Variants in SHOC2 observed in about 807,000 individuals in gnomAD.
The protein encoded by SHOC2 is leucine-rich repeat protein SHOC-2.
A neutral mutation model predicts 50.2 loss-of-function variants in SHOC2; 4 were observed. The observed-to-expected ratio is 0.08, with a 90% CI of 0.04 to 0.18. The LOEUF (loss-of-function observed/expected upper bound fraction) is 0.18. Among genes scored for constraint, SHOC2 ranks in the 10% least tolerant of loss-of-function variants. SHOC2 has a pLI of 1.00. For missense variants in SHOC2, 388 were observed against 669.6 expected, an observed-to-expected ratio of 0.58 and a Z score of 4.64; for synonymous variants, 218 against 244.5, an observed-to-expected ratio of 0.89 and a Z score of 1.01.
intron 1 of SHOC2, among the ~76,000 whole-genome samples, chr10:110,960,817 A>G (rs922171347): frequency 2.6e-5 from 4 of 152,136 alleles, no homozygotes; most frequent in African/African-American, 9.7e-5. Flanking sequence ...CTGGGATTAC[A>G]GGCGCCCGCC....
chr10:110,947,478 A>G (rs1357341605), intron 1 of SHOC2, among the ~76,000 whole-genome samples: 1 of 152,278 alleles, frequency 6.6e-6, no homozygotes, highest in Non-Finnish European at 1.5e-5. Flanking sequence ...GTGCAAGTCC[A>G]TAAGGATCTC....
intron 1 of SHOC2, among the ~76,000 whole-genome samples, chr10:110,962,881 T>A (rs1026832623): frequency 2.0e-5 from 3 of 152,220 alleles, no homozygotes; most frequent in African/African-American, 7.2e-5. Flanking sequence ...ATATGCCACT[T>A]GCCTGAGGAT....
chr10:110,996,379 T>C (rs541362715), intron 3 of SHOC2, among the ~76,000 whole-genome samples: 2 of 152,020 alleles, frequency 1.3e-5, no homozygotes, highest in South Asian at 4.2e-4. Context: ...ATACAAAAAT[T>C]AGCTGGGTGT....
intron 1 of SHOC2, among the ~76,000 whole-genome samples, chr10:110,924,517 G>C (rs1846717248): frequency 1.3e-5 from 2 of 152,042 alleles, no homozygotes. Context: ...AATAATATTA[G>C]GTCATATGGT....
rs185636316 is a variant in SHOC2, at chr10:110,971,428, C to T, written c.703+6367C>T. 3.2e-3 allele frequency among the ~76,000 whole-genome samples: 484 copies of T among 152,058 alleles called. 26 individuals are homozygous for T. In the South Asian group the frequency reaches 0.093, roughly 29 times the overall value. On this transcript the variant is annotated intron_variant, in intron 2 of 8. Transcript: ENST00000369452. Reference sequence around the variant, plus strand: ...TTGATCTATTGTCTTGTTTTTATGCCAGTACTGTGCATTTTGGTTACTCTA... The same window carrying T: ...TTGATCTATTGTCTTGTTTTTATGCTAGTACTGTGCATTTTGGTTACTCTA...
At chr10:110,982,949 A>G (rs1280665946) in intron 2 of SHOC2, among the ~76,000 whole-genome samples, 2 of 152,184 alleles carry the variant, frequency 1.3e-5, no homozygotes, top group Non-Finnish European at 2.9e-5. Flanking sequence ...CAGTGAAGCC[A>G]TCTGGACCTA....
intron 3 of SHOC2, among the ~76,000 whole-genome samples, chr10:110,989,825 A>T (rs1055623709): frequency 6.6e-6 from 1 of 152,196 alleles, no homozygotes; most frequent in Non-Finnish European, 1.5e-5. Context: ...TATATTCAGT[A>T]TATATTCAGG....
intron 1 of SHOC2, among the ~76,000 whole-genome samples, chr10:110,946,061 C>G (rs1161068415): frequency 1.3e-5 from 2 of 152,070 alleles, no homozygotes; most frequent in African/African-American, 2.4e-5. Flanking sequence ...TCCTTTTCAT[C>G]CTACTCAGGC....
At chr10:111,010,418 T>G (rs1439250748) in intron 8 of SHOC2, among the ~76,000 whole-genome samples, 1 of 151,930 alleles carries the variant, frequency 6.6e-6, no homozygotes, top group East Asian at 1.9e-4. Flanking sequence ...TATAGTGCAC[T>G]GTCCCACAGG....
intron 2 of SHOC2, among the ~76,000 whole-genome samples, chr10:110,965,817 TTTAA>T (rs758443151): frequency 1.1e-4 from 17 of 152,164 alleles, no homozygotes; most frequent in Non-Finnish European, 1.5e-4. Flanking sequence ...TTCTGGCATT[TTTAA>T]TTATGGAAAA....
chr10:110,940,565 AT>A (rs1847117251), intron 1 of SHOC2, among the ~76,000 whole-genome samples: 1 of 152,192 alleles, frequency 6.6e-6, no homozygotes, highest in Non-Finnish European at 1.5e-5. Flanking sequence ...ACAATTTTAT[AT>A]AGAGCTTATA....
chr10:111,008,532 AG>A (rs2134179000), intron 6 of SHOC2, among the ~76,000 whole-genome samples: 1 of 152,112 alleles, frequency 6.6e-6, no homozygotes, highest in South Asian at 2.1e-4. Context: ...GTAGAGTTGT[AG>A]TTAGGATTAA....
At chr10:110,989,492 T>C (rs967789168) in intron 3 of SHOC2, among the ~76,000 whole-genome samples, 1 of 152,208 alleles carries the variant, frequency 6.6e-6, no homozygotes, top group Non-Finnish European at 1.5e-5. Flanking sequence ...TTTTATAATT[T>C]AAGAACAATT....
At chr10:111,006,431 C>T (rs912042827) in intron 5 of SHOC2, among the ~76,000 whole-genome samples, 3 of 151,918 alleles carry the variant, frequency 2.0e-5, no homozygotes, top group Admixed American at 6.5e-5. Context: ...AGTGCAGTGG[C>T]GGGATCTCGG....
chr10:110,955,899 A>G (rs1160049112), intron 1 of SHOC2, among the ~76,000 whole-genome samples: 1 of 152,228 alleles, frequency 6.6e-6, no homozygotes, highest in Non-Finnish European at 1.5e-5. Flanking sequence ...GTATAAAGAC[A>G]TAAGGAACAA....
intron 8 of SHOC2, 50 bp downstream of exon 8, chr10:111,009,880 C>A: frequency 3.2e-6 from 3 of 947,646 alleles, no homozygotes; most frequent in Non-Finnish European, 5.2e-6. Flanking sequence ...TGCTCTTGTG[C>A]ATTCAAGCAA....
intron 2 of SHOC2, among the ~76,000 whole-genome samples, chr10:110,982,814 C>T (rs1272818901): frequency 6.6e-6 from 1 of 151,906 alleles, no homozygotes; most frequent in Admixed American, 6.6e-5. Flanking sequence ...CTTTTTTGTA[C>T]TGTCTTTGAT....
At chr10:111,011,560 T>C (rs1157023648) in intron 8 of SHOC2, 50 bp from the exon 9 acceptor site, 1 of 1,387,920 alleles carries the variant, frequency 7.2e-7, no homozygotes, top group Admixed American at 1.7e-5. Flanking sequence ...AGTTGAACTT[T>C]TAAAATAGCA....
At chr10:111,002,391 G>C (rs1443332622) in intron 4 of SHOC2, among the ~76,000 whole-genome samples, 1 of 152,124 alleles carries the variant, frequency 6.6e-6, no homozygotes, top group Non-Finnish European at 1.5e-5. Context: ...TTCAATAAGG[G>C]CATATTAAAT....
Sources: gnomAD v4.1 joint callset for allele counts (sites outside exome capture counted in the v4.1 genomes callset) on GRCh38, gnomAD v4.1.1 for gene constraint, MANE v1.5 for transcripts, NCBI Gene and HGNC (gene_info 2026-07-23, HGNC 2026-07-21) for gene names.